The following CDKAL1 variants were observed in gnomAD, a reference collection of about 807,000 sequenced individuals.
CDKAL1 encodes CDKAL1 threonylcarbamoyladenosine tRNA methylthiotransferase.
Under a neutral mutation model 68.2 loss-of-function variants are expected in CDKAL1, and 32 were observed. The ratio of observed to expected loss-of-function variants is 0.47; its 90% confidence interval spans 0.35 to 0.63. The LOEUF is 0.63. CDKAL1 is among the 30% of genes least tolerant of loss of function. The pLI, the probability that CDKAL1 is intolerant of heterozygous loss-of-function variation, is 0.00. For missense variants in CDKAL1, 606 were observed against 696.7 expected, an observed-to-expected ratio of 0.87 and a Z score of 1.47; for synonymous variants, 234 against 244.3, an observed-to-expected ratio of 0.96 and a Z score of 0.39.
intron 4 of CDKAL1, among the ~76,000 whole-genome samples, chr6:20,614,533 C>T (rs776095425): frequency 2.0e-5 from 3 of 152,112 alleles, no homozygotes; most frequent in Non-Finnish European, 4.4e-5. Context: ...TATTCCTTCT[C>T]TCATATTTAA....
intron 6 of CDKAL1, among the ~76,000 whole-genome samples, chr6:20,750,445 T>A (rs918930123): frequency 1.3e-5 from 2 of 152,140 alleles, no homozygotes; most frequent in Non-Finnish European, 1.5e-5. Context: ...CAATGGTGAT[T>A]TGTGGGGGAG....
chr6:20,989,969 G>T (rs1470050160), intron 10 of CDKAL1, among the ~76,000 whole-genome samples: 6 of 152,100 alleles, frequency 3.9e-5, no homozygotes, highest in Admixed American at 3.9e-4. Context: ...TAGGCTCGGC[G>T]TGGTGGTTCA....
At chr6:20,850,872 C>G (rs1758968888) in intron 9 of CDKAL1, among the ~76,000 whole-genome samples, 1 of 152,078 alleles carries the variant, frequency 6.6e-6, no homozygotes, top group Non-Finnish European at 1.5e-5. Flanking sequence ...TCCCACAATA[C>G]TAAAAATATG....
At chr6:21,168,605 T>A (rs1330693430) in intron 13 of CDKAL1, among the ~76,000 whole-genome samples, 3 of 152,192 alleles carry the variant, frequency 2.0e-5, no homozygotes, top group Non-Finnish European at 2.9e-5. Context: ...GAAGGGTAAT[T>A]TCAAAATAAA....
intron 13 of CDKAL1, among the ~76,000 whole-genome samples, chr6:21,178,673 A>G (rs77262332): frequency 0.14 from 21,384 of 152,234 alleles, 1,779 homozygotes; most frequent in Non-Finnish European, 0.19. Flanking sequence ...AGTCTCTTGT[A>G]CCACATGGAC....
At position 20,890,186 on chromosome 6, in the gene CDKAL1, A is replaced by G. The variant is rs143251574; in HGVS notation, c.742+44008A>G. Among the ~76,000 whole-genome samples the G allele has an allele frequency of 5.3e-5, 8 of 152,372 alleles. No homozygotes were observed. The East Asian group carries it at 1.5e-3, about 29-fold the overall frequency. ...ACACCTGTATGTTTATGGGACTGTT[A>G]GCACTCGCCTTGGGCAGTTACTGCC... On this transcript the variant is annotated intron_variant, in intron 9 of 15. Transcript: ENST00000274695.
chr6:20,755,500 A>G (rs765543226), intron 6 of CDKAL1, among the ~76,000 whole-genome samples: 2 of 149,464 alleles, frequency 1.3e-5, no homozygotes, highest in Non-Finnish European at 3.0e-5. Flanking sequence ...TTCTGGCTCT[A>G]TTTCTTTCCC....
chr6:21,098,835 G>A (rs1483347093), intron 12 of CDKAL1, among the ~76,000 whole-genome samples: 3 of 152,136 alleles, frequency 2.0e-5, no homozygotes, highest in Admixed American at 1.3e-4. Context: ...TTAGCAAGAT[G>A]TAGAGTCAGA....
At chr6:20,726,957 C>A (rs1267731122) in intron 5 of CDKAL1, among the ~76,000 whole-genome samples, 2 of 152,166 alleles carry the variant, frequency 1.3e-5, no homozygotes, top group African/African-American at 4.8e-5. Flanking sequence ...CCCCTATAAA[C>A]TAGCTGAAAC....
At chr6:21,138,996 T>G (rs1219623629) in intron 13 of CDKAL1, among the ~76,000 whole-genome samples, 1 of 152,200 alleles carries the variant, frequency 6.6e-6, no homozygotes, top group East Asian at 1.9e-4. Context: ...AGAGAGAATG[T>G]GAGAGGCACG....
intron 10 of CDKAL1, among the ~76,000 whole-genome samples, chr6:20,960,514 A>C (rs2150736088): frequency 6.6e-6 from 1 of 152,346 alleles, no homozygotes; most frequent in South Asian, 2.1e-4. Flanking sequence ...ATAATGGTGC[A>C]TCATGATTAC....
intron 15 of CDKAL1, among the ~76,000 whole-genome samples, chr6:21,205,396 G>A (rs1443000984): frequency 6.6e-6 from 1 of 152,198 alleles, no homozygotes; most frequent in Admixed American, 6.5e-5. Flanking sequence ...CATGGCAGCG[G>A]TACCATTTTA....
chr6:20,739,188 A>G (rs1773333296), intron 5 of CDKAL1, among the ~76,000 whole-genome samples: 1 of 152,182 alleles, frequency 6.6e-6, no homozygotes, highest in Admixed American at 6.5e-5. Flanking sequence ...ACCTACTTGG[A>G]GAGTTAGCTT....
intron 9 of CDKAL1, among the ~76,000 whole-genome samples, chr6:20,889,123 G>A (rs1466816417): frequency 6.6e-6 from 1 of 152,176 alleles, no homozygotes; most frequent in Non-Finnish European, 1.5e-5. Flanking sequence ...GATGGCCAGT[G>A]ATGATGAGCA....
intron 9 of CDKAL1, among the ~76,000 whole-genome samples, chr6:20,921,210 C>T (rs1325886334): frequency 6.6e-6 from 1 of 152,258 alleles, no homozygotes; most frequent in East Asian, 1.9e-4. Flanking sequence ...GTGGGCGGAT[C>T]ACGAGGTCAA....
chr6:20,549,795 C>T lies in CDKAL1; in HGVS notation c.286+1090C>T, dbSNP rs569982864. Reference sequence around the variant, plus strand: ...CTAACTTTTGTATTTTTAGTAGATACGGGGTTTCACCATGTTGGCCAGGCT... The same window carrying T: ...CTAACTTTTGTATTTTTAGTAGATATGGGGTTTCACCATGTTGGCCAGGCT... On this transcript the variant is annotated intron_variant, in intron 4 of 15. Transcript: ENST00000274695. Among the ~76,000 whole-genome samples, 307 of 151,334 alleles carry T rather than the reference C, an allele frequency of 2.0e-3. 1 individual carries two copies. The highest frequency in any genetic ancestry group is 2.2e-3 in the Non-Finnish European group (147 of 67,844).
intron 13 of CDKAL1, among the ~76,000 whole-genome samples, chr6:21,156,933 C>T (rs922384400): frequency 3.9e-5 from 6 of 152,198 alleles, no homozygotes; most frequent in Admixed American, 1.3e-4. Context: ...GGTCTGCTCT[C>T]TGCCTAGGCT....
At chr6:21,108,560 C>A (rs572247127) in intron 13 of CDKAL1, 97 bp downstream of exon 13, 4 of 695,792 alleles carry the variant, frequency 5.7e-6, no homozygotes, top group East Asian at 2.9e-5. Context: ...AATACACTTA[C>A]CAATTACATT....
chr6:20,665,788 T>C (rs1769509842), intron 5 of CDKAL1, among the ~76,000 whole-genome samples: 1 of 151,976 alleles, frequency 6.6e-6, no homozygotes, highest in African/African-American at 2.4e-5. Context: ...AAAATGGAGA[T>C]AGGTTCTAAG....
Sources: gnomAD v4.1 joint callset for allele counts (sites outside exome capture counted in the v4.1 genomes callset) on GRCh38, gnomAD v4.1.1 for gene constraint, MANE v1.5 for transcripts, NCBI Gene and HGNC (gene_info 2026-07-23, HGNC 2026-07-21) for gene names.